Variants in RBMS3 observed in about 807,000 individuals in gnomAD.
RBMS3 encodes RNA binding motif single stranded interacting protein 3.
A neutral mutation model predicts 66.8 loss-of-function variants in RBMS3; 27 were observed. The observed-to-expected ratio is 0.40, with a 90% CI of 0.30 to 0.56. The LOEUF is 0.56. Ranked by LOEUF, RBMS3 falls within the 20% of genes least tolerant of loss-of-function variation. The pLI is 0.40. For synonymous variants in RBMS3, 188 were observed against 183.0 expected (o/e 1.03, Z -0.22); for missense variants, 513 against 549.5 (o/e 0.93, Z 0.66).
At chr3:29,887,742 A>G (rs2059906202) in intron 8 of RBMS3, among the ~76,000 whole-genome samples, 1 of 151,790 alleles carries the variant, frequency 6.6e-6, no homozygotes, top group Non-Finnish European at 1.5e-5. Context: ...CATTAAGACA[A>G]AAAAAGATCA....
intron 4 of RBMS3, among the ~76,000 whole-genome samples, chr3:29,719,062 T>G (rs2053528807): frequency 1.3e-5 from 2 of 152,194 alleles, no homozygotes; most frequent in African/African-American, 4.8e-5. Context: ...CAAGCTTTTA[T>G]GTACACATGA....
At chr3:29,668,494 G>A (rs556115975) in intron 4 of RBMS3, among the ~76,000 whole-genome samples, 1 of 152,066 alleles carries the variant, frequency 6.6e-6, no homozygotes, top group African/African-American at 2.4e-5. Flanking sequence ...TGATGTTGAG[G>A]ACAAATCTAG....
intron 1 of RBMS3, among the ~76,000 whole-genome samples, chr3:29,299,364 A>G (rs1210293663): frequency 6.6e-6 from 1 of 151,928 alleles, no homozygotes; most frequent in African/African-American, 2.4e-5. Flanking sequence ...GAAAAAGTTA[A>G]TAGTGGTTTA....
chr3:29,999,179 C>T (rs1480167386), intron 14 of RBMS3, among the ~76,000 whole-genome samples: 1 of 152,108 alleles, frequency 6.6e-6, no homozygotes, highest in Non-Finnish European at 1.5e-5. Context: ...TCATCACTGG[C>T]CATCAGAGAA....
intron 4 of RBMS3, among the ~76,000 whole-genome samples, chr3:29,690,277 T>C (rs532364208): frequency 1.3e-5 from 2 of 151,692 alleles, no homozygotes; most frequent in Admixed American, 6.6e-5. Context: ...TGGTGAGATC[T>C]TGTGTCTACA....
At chr3:29,505,966 G>GT (rs1196917608) in intron 3 of RBMS3, among the ~76,000 whole-genome samples, 1 of 151,720 alleles carries the variant, frequency 6.6e-6, no homozygotes, top group Non-Finnish European at 1.5e-5. Flanking sequence ...AGTTCCAATA[G>GT]TTTTTTGGTG....
chr3:29,371,251 A>C (rs1030543317), intron 1 of RBMS3, among the ~76,000 whole-genome samples: 1 of 152,194 alleles, frequency 6.6e-6, no homozygotes, highest in Admixed American at 6.5e-5. Flanking sequence ...TAACACAGGG[A>C]TAGAGGAGAG....
chr3:29,658,301 A>G (rs763507911), intron 4 of RBMS3, among the ~76,000 whole-genome samples: 9 of 152,192 alleles, frequency 5.9e-5, no homozygotes, highest in African/African-American at 1.7e-4. Flanking sequence ...ACTTAAAACA[A>G]TGCTTCTCAA....
intron 4 of RBMS3, among the ~76,000 whole-genome samples, chr3:29,629,823 A>G (rs75982277): frequency 0.02 from 3,020 of 152,224 alleles, 39 homozygotes; most frequent in Admixed American, 0.029. Flanking sequence ...CAAGGCTGCT[A>G]TCTATTCTAG....
At chr3:29,937,192 T>C (rs915483442) in intron 11 of RBMS3, among the ~76,000 whole-genome samples, 4 of 152,006 alleles carry the variant, frequency 2.6e-5, no homozygotes, top group African/African-American at 9.7e-5. Context: ...GAAAATAATA[T>C]CTCTAGTCTG....
intron 4 of RBMS3, among the ~76,000 whole-genome samples, chr3:29,590,041 A>G (rs1242765449): frequency 6.6e-6 from 1 of 152,060 alleles, no homozygotes; most frequent in Non-Finnish European, 1.5e-5. Flanking sequence ...ATTAACGGAG[A>G]TGAACATTTT....
chr3:29,820,447 C>A (rs1034221175), intron 6 of RBMS3, among the ~76,000 whole-genome samples: 3 of 151,556 alleles, frequency 2.0e-5, no homozygotes, highest in Non-Finnish European at 4.4e-5. Flanking sequence ...TTGATAGATT[C>A]CATGTTAATT....
chr3:29,830,942 T>C (rs1187218621), intron 6 of RBMS3, among the ~76,000 whole-genome samples: 1 of 152,268 alleles, frequency 6.6e-6, no homozygotes, highest in East Asian at 1.9e-4. Context: ...TCTGTGTCCT[T>C]CCTTAAAGAA....
intron 6 of RBMS3, among the ~76,000 whole-genome samples, chr3:29,764,437 T>C (rs990527207): frequency 7.2e-5 from 11 of 152,034 alleles, no homozygotes; most frequent in African/African-American, 2.6e-4. Flanking sequence ...AAATCCGTCA[T>C]CGAGTAAAGG....
At chr3:29,602,536 T>C (rs1467256651) in intron 4 of RBMS3, among the ~76,000 whole-genome samples, 5 of 152,052 alleles carry the variant, frequency 3.3e-5, no homozygotes, top group African/African-American at 1.2e-4. Flanking sequence ...TGTTGTTCCC[T>C]AGTTGAAGAA....
intron 1 of RBMS3, among the ~76,000 whole-genome samples, chr3:29,356,940 G>A (rs1476555685): frequency 6.6e-6 from 1 of 152,034 alleles, no homozygotes; most frequent in Non-Finnish European, 1.5e-5. Flanking sequence ...GTCTTACATC[G>A]AGTGCAGCTT....
At chr3:29,476,343 G>T (rs1377231220) in intron 2 of RBMS3, among the ~76,000 whole-genome samples, 1 of 152,072 alleles carries the variant, frequency 6.6e-6, no homozygotes, top group Non-Finnish European at 1.5e-5. Flanking sequence ...TACTCTTTTA[G>T]GTCTTCTCAC....
chr3:29,990,058 T>C (rs1577333599), intron 13 of RBMS3, among the ~76,000 whole-genome samples: 5 of 152,302 alleles, frequency 3.3e-5, no homozygotes, highest in Non-Finnish European at 1.5e-5. Flanking sequence ...TACTCTGATA[T>C]ATTGCCTTGA....
At chr3:29,781,005 T>C (rs1386847141) in intron 6 of RBMS3, among the ~76,000 whole-genome samples, 1 of 152,134 alleles carries the variant, frequency 6.6e-6, no homozygotes, top group Non-Finnish European at 1.5e-5. Context: ...AGGGTACATG[T>C]GCACAATGTG....
Sources: gnomAD v4.1 joint callset for allele counts (sites outside exome capture counted in the v4.1 genomes callset) on GRCh38, gnomAD v4.1.1 for gene constraint, MANE v1.5 for transcripts, NCBI Gene and HGNC (gene_info 2026-07-23, HGNC 2026-07-21) for gene names.